Variants in ANKS1B observed in about 807,000 individuals in gnomAD.
ANKS1B encodes the protein ankyrin repeat and sterile alpha motif domain-containing protein 1B.
Under a neutral mutation model 148.3 loss-of-function variants are expected in ANKS1B, and 36 were observed. The ratio of observed to expected loss-of-function variants is 0.24; its 90% CI spans 0.19 to 0.32. ANKS1B has a LOEUF of 0.32. ANKS1B is among the 10% of genes least tolerant of loss of function. ANKS1B has a pLI of 1.00. For synonymous variants in ANKS1B, 542 were observed against 560.8 expected, an observed-to-expected ratio of 0.97 and a Z score of 0.47; for missense variants, 1,157 against 1,542.6, an observed-to-expected ratio of 0.75 and a Z score of 4.19.
intron 9 of ANKS1B, among the ~76,000 whole-genome samples, chr12:99,622,374 C>T (rs1316626368): frequency 1.3e-5 from 2 of 151,422 alleles, no homozygotes; most frequent in Non-Finnish European, 3.0e-5. Flanking sequence ...TAGCAGAAAA[C>T]AAGAAATAAC....
chr12:99,965,233 G>A (rs1188554995), intron 1 of ANKS1B, among the ~76,000 whole-genome samples: 1 of 152,052 alleles, frequency 6.6e-6, no homozygotes, highest in Non-Finnish European at 1.5e-5. Context: ...ATTTTATGAT[G>A]CCAAAAGCAA....
intron 1 of ANKS1B, among the ~76,000 whole-genome samples, chr12:99,825,623 T>C (rs1230956673): frequency 6.6e-6 from 1 of 152,232 alleles, no homozygotes; most frequent in Non-Finnish European, 1.5e-5. Flanking sequence ...TATTAACAAA[T>C]GTGTGTCCAT....
At chr12:99,961,316 G>A (rs1344406154) in intron 1 of ANKS1B, among the ~76,000 whole-genome samples, 2 of 152,152 alleles carry the variant, frequency 1.3e-5, no homozygotes, top group Admixed American at 1.3e-4. Flanking sequence ...AGTGGGAAAG[G>A]TAAGGTGAAG....
At chr12:99,493,573 A>G (rs2096574732) in intron 10 of ANKS1B, among the ~76,000 whole-genome samples, 1 of 152,352 alleles carries the variant, frequency 6.6e-6, no homozygotes, top group Non-Finnish European at 1.5e-5. Flanking sequence ...AATTACCCTC[A>G]TCCTACTGTT....
At chr12:99,067,951 G>T (rs1372335124) in intron 16 of ANKS1B, among the ~76,000 whole-genome samples, 3 of 151,906 alleles carry the variant, frequency 2.0e-5, no homozygotes, top group Non-Finnish European at 4.4e-5. Context: ...CTCAGACAAT[G>T]GAGTGACTAA....
intron 4 of ANKS1B, among the ~76,000 whole-genome samples, chr12:99,795,322 C>T (rs182939282): frequency 1.7e-4 from 26 of 151,834 alleles, no homozygotes; most frequent in Non-Finnish European, 3.5e-4. Context: ...TAGCGGACTT[C>T]ACAACAAAAA....
At chr12:98,735,751 A>T (rs1241233630) in intron 9 of ANKS1B, 2 of 502,872 alleles carry the variant, frequency 4.0e-6, no homozygotes, top group Non-Finnish European at 7.3e-6. Flanking sequence ...CACAGGAGTG[A>T]GCAAAACAAA....
At position 99,335,342 on chromosome 12, in the gene ANKS1B, C is replaced by A. The variant is rs776655692; in HGVS notation, c.1756+64289G>T. 1.1e-4 allele frequency among the ~76,000 whole-genome samples: 16 copies of A among 151,870 alleles called. 1 individual carries two copies. The highest frequency in any genetic ancestry group is 3.1e-4 in the African/African-American group (13 of 41,336). Reference sequence around the variant, plus strand: ...CCCTAATCTCAAGCATTTATTATTTCTTTGTATTATGAACATTCCAATTAT... The same window carrying A: ...CCCTAATCTCAAGCATTTATTATTTATTTGTATTATGAACATTCCAATTAT... On this transcript the variant is annotated intron_variant, in intron 12 of 26. Transcript: ENST00000683438.
chr12:99,481,884 T>G (rs951384003), intron 10 of ANKS1B, among the ~76,000 whole-genome samples: 80 of 146,602 alleles, frequency 5.5e-4, no homozygotes, highest in African/African-American at 1.8e-3. Context: ...GCGGGTTTTT[T>G]GTTTTTTGTT....
At chr12:99,494,732 C>CAGAA (rs2096587324) in intron 10 of ANKS1B, among the ~76,000 whole-genome samples, 2 of 55,998 alleles carry the variant, frequency 3.6e-5, no homozygotes, top group Non-Finnish European at 6.3e-5. Flanking sequence ...CACTCTGTCT[C>CAGAA]AAAAAAAAAA....
At chr12:99,595,018 G>A (rs2097743981) in intron 9 of ANKS1B, among the ~76,000 whole-genome samples, 1 of 151,908 alleles carries the variant, frequency 6.6e-6, no homozygotes, top group Non-Finnish European at 1.5e-5. Flanking sequence ...ATCCACATTA[G>A]TTAAAGCAAT....
At chr12:98,755,659 C>A (rs1232565374) in intron 25 of ANKS1B, among the ~76,000 whole-genome samples, 1 of 152,218 alleles carries the variant, frequency 6.6e-6, no homozygotes, top group Admixed American at 6.5e-5. Context: ...TACCAAATCA[C>A]ATGCAGTAGC....
Position 99,348,090 on chromosome 12 carries a change from G to A in ANKS1B, c.1756+51541C>T, listed in dbSNP as rs186565234. ...AAGGTTTCTACAGCACTTTTGAGCA[G>A]GTAGAAAAAAAGAATAGAAAACATA... On this transcript the variant is annotated intron_variant, in intron 12 of 26. Transcript: ENST00000683438. Among the ~76,000 whole-genome samples, 1,078 of 151,856 alleles carry A rather than the reference G, an allele frequency of 7.1e-3. 18 individuals are homozygous for A. The highest frequency in any genetic ancestry group is 0.025 in the African/African-American group (1,028 of 41,470).
intron 12 of ANKS1B, among the ~76,000 whole-genome samples, chr12:99,318,518 C>A (rs568977191): frequency 1.3e-5 from 2 of 152,102 alleles, no homozygotes; most frequent in South Asian, 4.2e-4. Flanking sequence ...TGGTGATATC[C>A]CCTTTATCAT....
At chr12:99,302,256 G>A (rs950940971) in intron 12 of ANKS1B, among the ~76,000 whole-genome samples, 9 of 152,042 alleles carry the variant, frequency 5.9e-5, no homozygotes, top group Middle Eastern at 6.4e-3. Context: ...GAATTTTGCC[G>A]CAGTGTTATC....
chr12:99,327,204 T>C (rs1482340325), intron 12 of ANKS1B, among the ~76,000 whole-genome samples: 1 of 117,612 alleles, frequency 8.5e-6, no homozygotes, highest in Non-Finnish European at 1.6e-5. Context: ...TATAATATAT[T>C]ATCTATTATA....
chr12:99,450,436 C>A (rs1244783399), intron 10 of ANKS1B, among the ~76,000 whole-genome samples: 4 of 152,200 alleles, frequency 2.6e-5, no homozygotes, highest in Non-Finnish European at 4.4e-5. Context: ...AGGAATGATT[C>A]ATTGCAAGGG....
intron 8 of ANKS1B, among the ~76,000 whole-genome samples, chr12:99,665,733 G>C (rs1186957590): frequency 6.6e-6 from 1 of 152,118 alleles, no homozygotes; most frequent in African/African-American, 2.4e-5. Flanking sequence ...TGATCCGCCC[G>C]CCTCAGCCTC....
At chr12:99,410,485 C>G (rs547165791) in intron 11 of ANKS1B, among the ~76,000 whole-genome samples, 2 of 152,000 alleles carry the variant, frequency 1.3e-5, no homozygotes, top group African/African-American at 2.4e-5. Flanking sequence ...CCGGCTAACA[C>G]GGTGAAACCC....
Sources: allele counts gnomAD v4.1 joint callset (sites outside exome capture counted in the v4.1 genomes callset), GRCh38; gene constraint gnomAD v4.1.1; transcripts MANE v1.5; gene names NCBI Gene and HGNC (gene_info 2026-07-23, HGNC 2026-07-21).